Variants in DPP10 observed in about 807,000 individuals in gnomAD.
DPP10 encodes inactive dipeptidyl peptidase 10.
DPP10 carries 33 observed loss-of-function variants against 120.9 expected under a neutral mutation model. That is an observed-to-expected ratio of 0.27 (90% CI 0.21 to 0.37). DPP10 has a LOEUF of 0.37. Ranked by LOEUF, DPP10 falls within the 10% of genes least tolerant of loss-of-function variation. DPP10 has a pLI of 1.00. For synonymous variants in DPP10, 337 were observed against 326.1 expected (o/e 1.03, Z -0.36); for missense variants, 816 against 942.8 (o/e 0.87, Z 1.76).
At chr2:114,795,259 G>A (rs2106255384) in intron 1 of DPP10, among the ~76,000 whole-genome samples, 1 of 152,136 alleles carries the variant, frequency 6.6e-6, no homozygotes, top group African/African-American at 2.4e-5. Context: ...CCAGCACTTT[G>A]GGAGGCTGAG....
intron 1 of DPP10, among the ~76,000 whole-genome samples, chr2:114,739,244 T>G (rs1050074049): frequency 4.6e-5 from 7 of 152,178 alleles, no homozygotes; most frequent in African/African-American, 1.7e-4. Flanking sequence ...AACACCTCTT[T>G]CAACCCCTTT....
Position 115,590,630 on chromosome 2 carries a change from G to A in DPP10, c.441+64658G>A, listed in dbSNP as rs372564660. Among the ~76,000 whole-genome samples the A allele has an allele frequency of 4.1e-4, 61 of 147,868 alleles. No individual in the cohort carries two copies. The South Asian group carries it at 0.01, about 25-fold the overall frequency. On this transcript the variant is annotated intron_variant, in intron 5 of 25. Transcript: ENST00000410059. ...GCAAATAGTGCCACAATAAACATACGTGTGAATGTGTCTTTATAGCAGCAT... is the reference window on the plus strand; with the variant it reads ...GCAAATAGTGCCACAATAAACATACATGTGAATGTGTCTTTATAGCAGCAT...
At chr2:115,749,128 A>G in intron 10 of DPP10, among the ~76,000 whole-genome samples, 1 of 152,174 alleles carries the variant, frequency 6.6e-6, no homozygotes, top group East Asian at 1.9e-4. Flanking sequence ...ATTTTGTCAA[A>G]TTGTTGTACT....
chr2:114,987,813 T>TTTTTTTTTTTTTTA (rs1232572425), intron 1 of DPP10, among the ~76,000 whole-genome samples: 1 of 138,022 alleles, frequency 7.2e-6, no homozygotes, highest in Non-Finnish European at 1.6e-5. Context: ...TCTTTTTTTT[T>TTTTTTTTTTTTTTA]TTTATTTTGA....
intron 1 of DPP10, among the ~76,000 whole-genome samples, chr2:114,626,252 A>C (rs1481475155): frequency 6.6e-6 from 1 of 151,942 alleles, no homozygotes; most frequent in Non-Finnish European, 1.5e-5. Context: ...TAGTTCCTGA[A>C]GTTTATTTTG....
chr2:115,633,244 T>C (rs974312169), intron 5 of DPP10, among the ~76,000 whole-genome samples: 11 of 152,158 alleles, frequency 7.2e-5, no homozygotes, highest in African/African-American at 1.9e-4. Flanking sequence ...TGGAATACTA[T>C]GCAGCTATAA....
chr2:114,766,700 T>C (rs1158207672), intron 1 of DPP10, among the ~76,000 whole-genome samples: 1 of 152,206 alleles, frequency 6.6e-6, no homozygotes, highest in African/African-American at 2.4e-5. Context: ...TTGTATAATT[T>C]CATTTATGTA....
At chr2:115,623,770 T>A (rs1575368286) in intron 5 of DPP10, among the ~76,000 whole-genome samples, 2 of 152,294 alleles carry the variant, frequency 1.3e-5, no homozygotes, top group South Asian at 4.1e-4. Context: ...CTTTACCGTA[T>A]GAAATATGCA....
intron 1 of DPP10, among the ~76,000 whole-genome samples, chr2:114,545,344 A>G (rs1687307997): frequency 6.6e-6 from 1 of 152,202 alleles, no homozygotes; most frequent in Non-Finnish European, 1.5e-5. Context: ...GAAATTACAC[A>G]TGTGGCTGAC....
At chr2:114,539,220 T>A (rs1034917903) in intron 1 of DPP10, among the ~76,000 whole-genome samples, 1 of 148,674 alleles carries the variant, frequency 6.7e-6, no homozygotes, top group African/African-American at 2.4e-5. Context: ...TACACATAAC[T>A]ATTGATACAA....
intron 5 of DPP10, among the ~76,000 whole-genome samples, chr2:115,619,289 A>G (rs2084768022): frequency 6.6e-6 from 1 of 150,964 alleles, no homozygotes; most frequent in Admixed American, 6.6e-5. Context: ...GTTAGCCAGG[A>G]TAGTCTTGAT....
At chr2:114,613,105 T>G (rs1693409730) in intron 1 of DPP10, among the ~76,000 whole-genome samples, 1 of 152,148 alleles carries the variant, frequency 6.6e-6, no homozygotes, top group African/African-American at 2.4e-5. Context: ...CTGGTACGTA[T>G]TTAGCTCCCA....
chr2:114,561,495 C>CAA (rs1688761926), intron 1 of DPP10, among the ~76,000 whole-genome samples: 1 of 152,122 alleles, frequency 6.6e-6, no homozygotes, highest in African/African-American at 2.4e-5. Context: ...CATGTGCACA[C>CAA]ATATACAGAA....
chr2:115,839,487 A>G (rs907460788), intron 24 of DPP10, among the ~76,000 whole-genome samples: 3 of 151,800 alleles, frequency 2.0e-5, no homozygotes, highest in Non-Finnish European at 4.4e-5. Context: ...CAGCCTGACC[A>G]ACATGGTGAA....
Position 114,612,749 on chromosome 2 carries a change from G to A in DPP10, c.60+169911G>A, listed in dbSNP as rs553512352. Among the ~76,000 whole-genome samples the A allele has an allele frequency of 9.9e-5, 15 of 152,262 alleles. 1 individual carries two copies. The highest frequency in any genetic ancestry group is 3.6e-4 in the African/African-American group (15 of 41,566). ...AGATTCCTGGCTCAGTCTTTTACCA[G>A]CCATGTGGCATTGACTGAGCCTCCA... On this transcript the variant is annotated intron_variant, in intron 1 of 25. Transcript: ENST00000410059.
At chr2:114,723,541 C>G (rs1701842308) in intron 1 of DPP10, among the ~76,000 whole-genome samples, 1 of 152,178 alleles carries the variant, frequency 6.6e-6, no homozygotes, top group African/African-American at 2.4e-5. Context: ...GTAAAGAGTT[C>G]ATTGGCTCAG....
At chr2:115,338,095 C>T (rs1263844383) in intron 2 of DPP10, among the ~76,000 whole-genome samples, 1 of 151,754 alleles carries the variant, frequency 6.6e-6, no homozygotes, top group Non-Finnish European at 1.5e-5. Context: ...AACACAACTT[C>T]AAAAATATTG....
intron 1 of DPP10, among the ~76,000 whole-genome samples, chr2:114,721,192 T>G (rs1315465806): frequency 6.6e-6 from 1 of 152,224 alleles, no homozygotes; most frequent in Non-Finnish European, 1.5e-5. Context: ...AGTGACTCTT[T>G]TAGGGTGTGC....
intron 1 of DPP10, among the ~76,000 whole-genome samples, chr2:114,737,359 A>G (rs1461900260): frequency 1.3e-5 from 2 of 152,192 alleles, no homozygotes; most frequent in African/African-American, 2.4e-5. Flanking sequence ...GTCTGGTCCC[A>G]GAAGACATCT....
Sources: allele counts gnomAD v4.1 joint callset (sites outside exome capture counted in the v4.1 genomes callset), GRCh38; gene constraint gnomAD v4.1.1; transcripts MANE v1.5; gene names NCBI Gene and HGNC (gene_info 2026-07-23, HGNC 2026-07-21).